Variants in ADGRL3 observed in about 807,000 individuals in gnomAD.
The protein encoded by ADGRL3 is calcium-independent alpha-latrotoxin receptor 3.
In ADGRL3, 62 loss-of-function variants were observed where a neutral mutation model predicts 153.5. The observed-to-expected ratio is 0.40, with a 90% CI of 0.33 to 0.50. ADGRL3 has a LOEUF of 0.50. Among genes scored for constraint, ADGRL3 ranks in the 20% least tolerant of loss-of-function variants. The pLI, the probability that ADGRL3 is intolerant of heterozygous loss-of-function variation, is 0.47. For missense variants in ADGRL3, 1,641 were observed against 1,859.4 expected (o/e 0.88, Z 2.16); for synonymous variants, 710 against 672.5 (o/e 1.06, Z -0.86).
chr4:61,491,293 A>G (rs1413761953), intron 2 of ADGRL3, among the ~76,000 whole-genome samples: 1 of 152,178 alleles, frequency 6.6e-6, no homozygotes, highest in Non-Finnish European at 1.5e-5. Context: ...AATAATGGAA[A>G]TACTGGAATC....
intron 1 of ADGRL3, among the ~76,000 whole-genome samples, chr4:61,237,803 C>T (rs1322029068): frequency 6.6e-6 from 1 of 152,120 alleles, no homozygotes. Flanking sequence ...AAACAAGTCC[C>T]TTTTAGGAGC....
chr4:61,845,402 G>A (rs989066542), intron 9 of ADGRL3, among the ~76,000 whole-genome samples: 7 of 151,898 alleles, frequency 4.6e-5, no homozygotes, highest in African/African-American at 1.5e-4. Flanking sequence ...TGGGCTGGGA[G>A]TACAGTGGCA....
chr4:61,216,315 C>T (rs971669288), intron 1 of ADGRL3, among the ~76,000 whole-genome samples: 1 of 151,722 alleles, frequency 6.6e-6, no homozygotes, highest in African/African-American at 2.4e-5. Context: ...GATAGTAATA[C>T]GTTTTGTTCC....
intron 1 of ADGRL3, among the ~76,000 whole-genome samples, chr4:61,303,354 T>C (rs1308809130): frequency 1.3e-5 from 2 of 152,176 alleles, no homozygotes; most frequent in African/African-American, 4.8e-5. Flanking sequence ...TAAAGATTGA[T>C]GACTTAGTGC....
intron 1 of ADGRL3, among the ~76,000 whole-genome samples, chr4:61,248,304 A>G (rs1757881104): frequency 1.3e-5 from 2 of 152,116 alleles, no homozygotes; most frequent in Non-Finnish European, 2.9e-5. Context: ...AGCATGCCCT[A>G]AATTGAAAAG....
chr4:61,852,814 AT>A (rs1273972340), intron 9 of ADGRL3, among the ~76,000 whole-genome samples: 1 of 14,058 alleles, frequency 7.1e-5, no homozygotes, highest in Non-Finnish European at 4.7e-4. Flanking sequence ...ATCATCTTTT[AT>A]TTATTTATTT....
At chr4:61,598,500 A>G (rs985618790) in intron 5 of ADGRL3, among the ~76,000 whole-genome samples, 1 of 152,174 alleles carries the variant, frequency 6.6e-6, no homozygotes, top group African/African-American at 2.4e-5. Context: ...CATCCCCTAC[A>G]TTCCTTTAAT....
intron 2 of ADGRL3, among the ~76,000 whole-genome samples, chr4:61,389,162 A>G (rs559780167): frequency 6.6e-6 from 1 of 152,222 alleles, no homozygotes; most frequent in Non-Finnish European, 1.5e-5. Flanking sequence ...TGGATTACCC[A>G]GGAAATATTT....
intron 4 of ADGRL3, among the ~76,000 whole-genome samples, chr4:61,581,306 G>A (rs74499320): frequency 0.16 from 24,064 of 151,874 alleles, 2,139 homozygotes; most frequent in Non-Finnish European, 0.2. Flanking sequence ...TCCTCTGGGT[G>A]CACGTGCACG....
At chr4:61,214,778 T>C (rs535268558) in intron 1 of ADGRL3, among the ~76,000 whole-genome samples, 1 of 152,140 alleles carries the variant, frequency 6.6e-6, no homozygotes, top group African/African-American at 2.4e-5. Flanking sequence ...TCTATAAAAA[T>C]AATTAAAAAA....
chr4:62,054,460 A>T (rs1224518578), intron 25 of ADGRL3, among the ~76,000 whole-genome samples: 1 of 151,694 alleles, frequency 6.6e-6, no homozygotes, highest in African/African-American at 2.4e-5. Context: ...AATTATATGA[A>T]TAATGTCATT....
At chr4:61,254,721 C>T (rs943737419) in intron 1 of ADGRL3, among the ~76,000 whole-genome samples, 1 of 152,070 alleles carries the variant, frequency 6.6e-6, no homozygotes, top group Non-Finnish European at 1.5e-5. Flanking sequence ...ATTAAGTTCC[C>T]GAACAAATTT....
chr4:61,809,514 T>C (rs1019226752), intron 8 of ADGRL3, among the ~76,000 whole-genome samples: 1 of 152,146 alleles, frequency 6.6e-6, no homozygotes, highest in Non-Finnish European at 1.5e-5. Context: ...CCTCTTGTCA[T>C]CTCTTAAACT....
intron 8 of ADGRL3, among the ~76,000 whole-genome samples, chr4:61,759,359 C>G (rs1207388291): frequency 6.6e-6 from 1 of 152,018 alleles, no homozygotes; most frequent in African/African-American, 2.4e-5. Flanking sequence ...TTCTTGGAGG[C>G]TTTGTTCATT....
intron 1 of ADGRL3, among the ~76,000 whole-genome samples, chr4:61,246,302 G>T (rs927668410): frequency 7.2e-5 from 11 of 151,992 alleles, no homozygotes; most frequent in Non-Finnish European, 1.0e-4. Context: ...CTTGTAACAG[G>T]TGATCAGGGA....
chr4:61,653,103 T>A (rs6551640), intron 5 of ADGRL3, among the ~76,000 whole-genome samples: 55,374 of 151,204 alleles, frequency 0.37, 11,657 homozygotes, highest in Non-Finnish European at 0.49. Flanking sequence ...ATAGGATTAG[T>A]GGCCTTATAA....
intron 8 of ADGRL3, among the ~76,000 whole-genome samples, chr4:61,793,573 A>G (rs2097370726): frequency 6.6e-6 from 1 of 152,080 alleles, no homozygotes; most frequent in Admixed American, 6.5e-5. Flanking sequence ...TCAAGATGAG[A>G]TTTGGGTGGG....
At chr4:61,557,882 A>C (rs1019820118) in intron 4 of ADGRL3, among the ~76,000 whole-genome samples, 3 of 151,782 alleles carry the variant, frequency 2.0e-5, no homozygotes, top group Non-Finnish European at 4.4e-5. Context: ...TTTCATAAGA[A>C]GGGAATATAG....
intron 1 of ADGRL3, among the ~76,000 whole-genome samples, chr4:61,381,648 A>G (rs2096670248): frequency 6.6e-6 from 1 of 151,914 alleles, no homozygotes. Context: ...AAAGATCTTA[A>G]AGGTGATGGT....
Sources: allele counts gnomAD v4.1 joint callset (sites outside exome capture counted in the v4.1 genomes callset), GRCh38; gene constraint gnomAD v4.1.1; transcripts MANE v1.5; gene names NCBI Gene and HGNC (gene_info 2026-07-23, HGNC 2026-07-21).